The following CELF5 variants were observed in gnomAD, a reference collection of about 807,000 sequenced individuals.
The protein encoded by CELF5 is CUG-BP and ETR-3 like factor 5.
In CELF5, 6 loss-of-function variants were observed where a neutral mutation model predicts 54.9. That is an observed-to-expected ratio of 0.11 (90% CI 0.06 to 0.22). The LOEUF (loss-of-function observed/expected upper bound fraction) is 0.22. Among genes scored for constraint, CELF5 ranks in the 10% least tolerant of loss-of-function variants. The probability of loss-of-function intolerance (pLI) is 1.00; values close to 1 mark genes in which losing one functional copy is unlikely to be tolerated. For synonymous variants in CELF5, 271 were observed against 290.9 expected (o/e 0.93, Z 0.70); for missense variants, 401 against 678.6 (o/e 0.59, Z 4.54).
At chr19:3,239,545 T>C (rs1372514964) in intron 1 of CELF5, among the ~76,000 whole-genome samples, 3 of 151,870 alleles carry the variant, frequency 2.0e-5, no homozygotes, top group Non-Finnish European at 4.4e-5. Flanking sequence ...TAACTTTTTT[T>C]TTTTTTCAGT....
chr19:3,285,931 G>C lies in CELF5; in HGVS notation c.1103-11G>C, dbSNP rs1439855856. On this transcript the variant is annotated splice_polypyrimidine_tract_variant and intron_variant, in intron 9 of 12. Coordinates refer to ENST00000292672, the MANE Select transcript of CELF5 (RefSeq NM_021938.4). ...CCCTCCTCGCCCTGTGTCTCGCTCC[G>C]GTCTCCGCAGCCATGTACCCCACCG... 5 of 1,546,882 alleles carry C rather than the reference G, an allele frequency of 3.2e-6. No homozygotes were observed. Among genetic ancestry groups the C allele is most frequent in the Non-Finnish European group, 1.7e-6 (2 of 1,153,242 alleles).
At chr19:3,287,976 G>A (rs2080281754) in intron 10 of CELF5, among the ~76,000 whole-genome samples, 1 of 152,214 alleles carries the variant, frequency 6.6e-6, no homozygotes, top group Non-Finnish European at 1.5e-5. Context: ...TGAAACGGTG[G>A]AGGGAGGGTT....
At chr19:3,279,231 T>C (rs554993386) in intron 5 of CELF5, among the ~76,000 whole-genome samples, 38 of 151,764 alleles carry the variant, frequency 2.5e-4, no homozygotes, top group African/African-American at 7.5e-4. Context: ...GACTCACTGG[T>C]TGAGGGAGGG....
intron 2 of CELF5, among the ~76,000 whole-genome samples, chr19:3,259,391 T>C (rs2079776205): frequency 6.6e-6 from 1 of 151,684 alleles, no homozygotes; most frequent in Non-Finnish European, 1.5e-5. Flanking sequence ...CACCCTGCAG[T>C]GCCCAGGACG....
intron 2 of CELF5, among the ~76,000 whole-genome samples, chr19:3,269,691 CCAAAA>C (rs2079930673): frequency 1.3e-5 from 2 of 152,174 alleles, no homozygotes; most frequent in South Asian, 4.1e-4. Context: ...GCCCACAGTG[CCAAAA>C]CGCTCCCCAG....
intron 12 of CELF5, chr19:3,294,671 C>T (rs890718247): frequency 2.0e-5 from 3 of 151,932 alleles, no homozygotes; most frequent in African/African-American, 7.3e-5. Context: ...CTATTATGTG[C>T]TAGGCACTGT....
rs1248916470 is a variant in CELF5, at chr19:3,260,619, T to G, written c.342+9552T>G. On this transcript the variant is annotated intron_variant, in intron 2 of 12. Coordinates refer to ENST00000292672, the MANE Select transcript of CELF5 (RefSeq NM_021938.4). The stretch of plus-strand genomic sequence containing the variant: ...ACAGGTGTGTGCCACCACACCTGGC[T>G]AATTTTTTTTTTTTTTTTTTTGAGA... Among the ~76,000 whole-genome samples, 4 of 130,464 alleles carry G rather than the reference T, an allele frequency of 3.1e-5. No homozygotes were observed. In the South Asian group the frequency reaches 1.1e-3, roughly 34 times the overall value. 85.6% of individuals were successfully genotyped at this position (130,464 alleles called of 152,430 possible).
intron 1 of CELF5, among the ~76,000 whole-genome samples, chr19:3,225,251 CCT>C (rs1169832756): frequency 2.0e-5 from 2 of 100,150 alleles, no homozygotes; most frequent in Non-Finnish European, 2.1e-5. Context: ...TCCGGCATCT[CCT>C]CTCTCTCTCC....
intron 1 of CELF5, among the ~76,000 whole-genome samples, chr19:3,248,681 A>G (rs1468611007): frequency 2.0e-5 from 3 of 152,150 alleles, no homozygotes; most frequent in Non-Finnish European, 4.4e-5. Flanking sequence ...CAACATTGTT[A>G]TACAAATATC....
intron 4 of CELF5, among the ~76,000 whole-genome samples, chr19:3,276,322 G>C (rs1047025060): frequency 7.5e-5 from 11 of 146,566 alleles, no homozygotes; most frequent in Non-Finnish European, 1.7e-4. Context: ...GGCTGCAGGG[G>C]TGGGGAGGAG....
chr19:3,286,280 C>G (rs1704155848), intron 10 of CELF5: 1 of 446,610 alleles, frequency 2.2e-6, no homozygotes, highest in Non-Finnish European at 3.9e-6. Context: ...CCAGCCCTCT[C>G]CAGAACCAAG....
At chr19:3,237,557 G>A (rs917717326) in intron 1 of CELF5, among the ~76,000 whole-genome samples, 3 of 152,118 alleles carry the variant, frequency 2.0e-5, no homozygotes, top group Non-Finnish European at 4.4e-5. Context: ...GCGGGTGGGA[G>A]TGTCTCTTAG....
chr19:3,248,111 T>C (rs59501239), intron 1 of CELF5, among the ~76,000 whole-genome samples: 1,873 of 152,222 alleles, frequency 0.012, 38 homozygotes, highest in African/African-American at 0.043. Flanking sequence ...TTAAGTACAT[T>C]CATATTGTTC....
chr19:3,264,966 C>G (rs915816967), intron 2 of CELF5, among the ~76,000 whole-genome samples: 100 of 151,122 alleles, frequency 6.6e-4, no homozygotes, highest in African/African-American at 2.2e-3. Context: ...TGCCTGCCTC[C>G]GCCTCCCAAA....
At chr19:3,296,048 C>G (rs1166936756) in intron 12 of CELF5, 1 of 131,460 alleles carries the variant, frequency 7.6e-6, no homozygotes, top group Non-Finnish European at 1.6e-5. Context: ...ACCTTCATAC[C>G]TCTACAGAGA....
intron 2 of CELF5, among the ~76,000 whole-genome samples, chr19:3,263,632 C>A (rs1249509699): frequency 6.6e-6 from 1 of 151,816 alleles, no homozygotes; most frequent in Non-Finnish European, 1.5e-5. Context: ...CGGCCGGGCA[C>A]GGTGGCTCAC....
intron 1 of CELF5, among the ~76,000 whole-genome samples, chr19:3,226,934 G>A (rs1042593979): frequency 1.3e-5 from 2 of 152,130 alleles, no homozygotes; most frequent in Admixed American, 1.3e-4. Flanking sequence ...TTTTTTACAG[G>A]TTGGAGAATG....
rs2080037428 is a variant in CELF5, at chr19:3,275,732, C to T, written c.395-124C>T. On this transcript the variant is annotated intron_variant, in intron 3 of 12. Coordinates refer to ENST00000292672, the MANE Select transcript of CELF5 (RefSeq NM_021938.4). The surrounding 1 kb of genome is among the most constrained non-coding windows in gnomAD (Gnocchi z 6.7). ...CTCCCTCGCACGCGCAGAACCGGAG[C>T]CGGCAGGGCCCGGGCGCCGCGTCTT... is the stretch of plus-strand genomic sequence containing the variant. The T allele has an allele frequency of 9.5e-7, 1 of 1,050,884 alleles. No homozygotes were observed. Among genetic ancestry groups the T allele is most frequent in the Non-Finnish European group, 1.3e-6 (1 of 753,210 alleles). 65.1% of individuals were successfully genotyped at this position (1,050,884 alleles called of 1,614,324 possible). A position where few individuals can be genotyped will look rare whatever the true frequency, so the allele number is the denominator to read the frequency against.
At chr19:3,244,651 G>C (rs2079538219) in intron 1 of CELF5, among the ~76,000 whole-genome samples, 1 of 146,458 alleles carries the variant, frequency 6.8e-6, no homozygotes, top group Non-Finnish European at 1.5e-5. Flanking sequence ...GTATGTATCT[G>C]TGTGCATAGT....
Sources: allele counts gnomAD v4.1 joint callset (sites outside exome capture counted in the v4.1 genomes callset), GRCh38; gene constraint gnomAD v4.1.1; non-coding constraint Gnocchi (gnomAD v3.1); transcripts MANE v1.5; gene names NCBI Gene and HGNC (gene_info 2026-07-23, HGNC 2026-07-21).